GPHN: variants seen among roughly 807,000 people sequenced by gnomAD.
The protein encoded by GPHN is gephyrin.
Under a neutral mutation model 95.5 loss-of-function variants are expected in GPHN, and 17 were observed. The ratio of observed to expected loss-of-function variants is 0.18; its 90% CI spans 0.12 to 0.27. The LOEUF (loss-of-function observed/expected upper bound fraction) is 0.27, where lower values mean the gene tolerates loss of function less well. Among genes scored for constraint, GPHN ranks in the 10% least tolerant of loss-of-function variants. GPHN has a pLI of 1.00. For missense variants in GPHN, 660 were observed against 978.1 expected (o/e 0.67, Z 4.34); for synonymous variants, 320 against 322.5 (o/e 0.99, Z 0.08).
chr14:67,490,300 A>G, the GPHN span, among the ~76,000 whole-genome samples: 11 of 152,200 alleles, frequency 7.2e-5, no homozygotes, highest in Non-Finnish European at 1.3e-4. Context: ...TCCAGGAGCC[A>G]TTGCACCACC....
At chr14:66,824,326 G>A (rs2061316583) in intron 3 of GPHN, 148 bp from the exon 4 acceptor site, 1 of 578,078 alleles carries the variant, frequency 1.7e-6, no homozygotes, top group South Asian at 2.4e-5. Flanking sequence ...GAGTGAAACT[G>A]TTCCATGAAT....
At chr14:66,858,160 G>T (rs2153519683) in intron 4 of GPHN, among the ~76,000 whole-genome samples, 1 of 152,170 alleles carries the variant, frequency 6.6e-6, no homozygotes, top group South Asian at 2.1e-4. Flanking sequence ...GGGACGTGGG[G>T]GCACATGACC....
the GPHN span, chr14:67,586,913 A>G: frequency 5.9e-6 from 9 of 1,537,334 alleles, no homozygotes; most frequent in African/African-American, 1.4e-5. Flanking sequence ...GCCTCTGAAC[A>G]GCACAGTTAT....
chr14:67,625,865 A>T, the GPHN span, among the ~76,000 whole-genome samples: 1 of 152,168 alleles, frequency 6.6e-6, no homozygotes, highest in Non-Finnish European at 1.5e-5. Context: ...AAGACAACCA[A>T]ATTTAAAAAT....
intron 1 of GPHN, among the ~76,000 whole-genome samples, chr14:66,523,538 A>G (rs1051986655): frequency 2.0e-5 from 3 of 152,252 alleles, no homozygotes; most frequent in Admixed American, 1.3e-4. Context: ...TTAGGTTCAC[A>G]CAGATACTCA....
intron 4 of GPHN, among the ~76,000 whole-genome samples, chr14:66,826,388 A>T (rs529098776): frequency 1.3e-5 from 2 of 152,166 alleles, no homozygotes; most frequent in East Asian, 3.9e-4. Context: ...TCCAGATATC[A>T]AATGTCCTTC....
the GPHN span, among the ~76,000 whole-genome samples, chr14:67,664,294 C>T: frequency 6.6e-6 from 1 of 152,192 alleles, no homozygotes; most frequent in Non-Finnish European, 1.5e-5. Context: ...AATACCTCCC[C>T]ATTCTATGAA....
chr14:67,265,983 ATT>A, the GPHN span, among the ~76,000 whole-genome samples: 2 of 152,090 alleles, frequency 1.3e-5, no homozygotes, highest in South Asian at 4.1e-4. Context: ...AGTATTATTT[ATT>A]TTTTGTAGAG....
chr14:67,273,117 CTT>C, the GPHN span, among the ~76,000 whole-genome samples: 21,933 of 143,024 alleles, frequency 0.15, 3,047 homozygotes, highest in East Asian at 0.42. Context: ...ATATTTCTTT[CTT>C]TTTTTTTTTT....
intron 18 of GPHN, among the ~76,000 whole-genome samples, chr14:67,157,750 C>A (rs1228528982): frequency 6.6e-6 from 1 of 151,892 alleles, no homozygotes; most frequent in Non-Finnish European, 1.5e-5. Context: ...ATTGCCTGAA[C>A]CCAGGAGGCG....
In GPHN at chr14:66,701,903, G is replaced by A. The variant is rs146307224; in HGVS notation, c.143+20718G>A. On this transcript the variant is annotated intron_variant, in intron 2 of 22. Transcript: ENST00000478722. ...GCCTAGCATGCTAAGCTCCCTGGGC[G>A]GGGGAAGGGTGGCATCCATCTCTAT... Among the ~76,000 whole-genome samples the A allele has an allele frequency of 5.7e-3, 861 of 152,214 alleles. 2 individuals carry two copies. The highest frequency in any genetic ancestry group is 0.014 in the South Asian group (70 of 4,828).
the GPHN span, among the ~76,000 whole-genome samples, chr14:67,436,061 C>T: frequency 6.6e-6 from 1 of 152,202 alleles, no homozygotes; most frequent in Admixed American, 6.5e-5. Flanking sequence ...AGGGCTGATT[C>T]CCGAGGCACA....
the GPHN span, among the ~76,000 whole-genome samples, chr14:67,258,422 G>C: frequency 2.0e-5 from 3 of 152,142 alleles, no homozygotes; most frequent in African/African-American, 7.2e-5. Flanking sequence ...TGTAGTCCCA[G>C]CTACTTGGGG....
intron 1 of GPHN, among the ~76,000 whole-genome samples, chr14:66,663,206 A>G (rs2065758937): frequency 6.6e-6 from 1 of 152,228 alleles, no homozygotes; most frequent in Admixed American, 6.5e-5. Flanking sequence ...GAAAGAAAAA[A>G]TGTTAAGGAC....
At position 67,181,108 on chromosome 14, in the gene GPHN, C is replaced by A; in HGVS notation, c.*171C>A. 1.4e-6 allele frequency: 1 copy of A among 697,886 alleles called. No individual in the cohort carries two copies. The highest frequency in any genetic ancestry group is 2.4e-6 in the Non-Finnish European group (1 of 420,890). 43.2% of individuals were successfully genotyped at this position (697,886 alleles called of 1,614,324 possible). ...AAATATCTTTTAAAGAAAAAAACAC[C>A]TAAAAATAAATCTTAACAGAAAATT... On this transcript the variant is annotated 3_prime_UTR_variant, in exon 23 of 23. Transcript: ENST00000478722.
chr14:67,609,158 C>T, the GPHN span, among the ~76,000 whole-genome samples: 1 of 152,012 alleles, frequency 6.6e-6, no homozygotes, highest in Non-Finnish European at 1.5e-5. Flanking sequence ...GTCTTTGCTG[C>T]AACTCCCACT....
At chr14:67,323,746 C>A in the GPHN span, 69 of 1,603,462 alleles carry the variant, frequency 4.3e-5, 1 homozygote, top group Middle Eastern at 4.9e-4. Flanking sequence ...CATATATTAT[C>A]TTCATTGCAC....
chr14:66,556,939 C>CCT (rs2060026409), intron 1 of GPHN, among the ~76,000 whole-genome samples: 1 of 152,086 alleles, frequency 6.6e-6, no homozygotes, highest in African/African-American at 2.4e-5. Context: ...GTTGCTCATG[C>CCT]CTCTAATTCC....
At chr14:66,569,261 A>G (rs549501982) in intron 1 of GPHN, among the ~76,000 whole-genome samples, 2 of 152,324 alleles carry the variant, frequency 1.3e-5, no homozygotes, top group South Asian at 4.1e-4. Flanking sequence ...TGTCACTATC[A>G]TTGTGAAGCT....
Sources: allele counts gnomAD v4.1 joint callset (sites outside exome capture counted in the v4.1 genomes callset), GRCh38; gene constraint gnomAD v4.1.1; transcripts MANE v1.5; gene names NCBI Gene and HGNC (gene_info 2026-07-23, HGNC 2026-07-21).